TCERG1L: variants seen among roughly 807,000 people sequenced by gnomAD.
The protein encoded by TCERG1L is transcription elongation regulator 1 like.
Under a neutral mutation model 56.3 loss-of-function variants are expected in TCERG1L, and 37 were observed. The ratio of observed to expected loss-of-function variants is 0.66; its 90% CI spans 0.51 to 0.87. The LOEUF (loss-of-function observed/expected upper bound fraction) is 0.87, where lower values mean the gene tolerates loss of function less well. Among genes scored for constraint, TCERG1L ranks in the 40% least tolerant of loss-of-function variants. The pLI is 0.00. For synonymous variants in TCERG1L, 324 were observed against 326.3 expected, an observed-to-expected ratio of 0.99 and a Z score of 0.08; for missense variants, 799 against 774.2, an observed-to-expected ratio of 1.03 and a Z score of -0.38.
At chr10:131,307,885 C>T (rs968163798) in intron 3 of TCERG1L, among the ~76,000 whole-genome samples, 5 of 152,082 alleles carry the variant, frequency 3.3e-5, no homozygotes, top group Non-Finnish European at 5.9e-5. Flanking sequence ...AAAGAGTAGA[C>T]TGATCAATTA....
In TCERG1L at chr10:131,213,131, A is replaced by ACTGG. The variant is rs142440569; in HGVS notation, c.857-46250_857-46247dup. ...TTGTGTTGGCCACCCAGGGCTGAGG[A>ACTGG]CTGGCTGCAGCCCCCAGAGGCTATG... On this transcript the variant is annotated intron_variant, in intron 4 of 11. Transcript: ENST00000368642. 2.3e-3 allele frequency among the ~76,000 whole-genome samples: 353 copies of ACTGG among 152,346 alleles called. 1 individual carries two copies. Among genetic ancestry groups the ACTGG allele is most frequent in the African/African-American group, 8.2e-3 (340 of 41,578 alleles).
chr10:131,307,407 T>G (rs762316876), intron 3 of TCERG1L, among the ~76,000 whole-genome samples: 1 of 152,206 alleles, frequency 6.6e-6, no homozygotes, highest in Non-Finnish European at 1.5e-5. Flanking sequence ...AAGAACATCT[T>G]ATTACTAAAT....
chr10:131,112,502 C>G (rs1308281233), intron 9 of TCERG1L, among the ~76,000 whole-genome samples: 3 of 142,414 alleles, frequency 2.1e-5, no homozygotes, highest in African/African-American at 7.4e-5. Context: ...CCCTTTCAAC[C>G]TGCCCCACTC....
intron 3 of TCERG1L, among the ~76,000 whole-genome samples, chr10:131,294,387 G>T (rs1273050372): frequency 6.6e-6 from 1 of 152,146 alleles, no homozygotes; most frequent in Non-Finnish European, 1.5e-5. Context: ...AGCCACTTCT[G>T]TAACTGCCCC....
At chr10:131,108,834 A>G (rs1845380869) in intron 9 of TCERG1L, among the ~76,000 whole-genome samples, 1 of 152,188 alleles carries the variant, frequency 6.6e-6, no homozygotes, top group Admixed American at 6.5e-5. Flanking sequence ...TTGTGGTTGC[A>G]GGGCTGAAGT....
intron 7 of TCERG1L, among the ~76,000 whole-genome samples, chr10:131,144,590 A>C (rs1015830958): frequency 6.6e-6 from 1 of 152,210 alleles, no homozygotes; most frequent in African/African-American, 2.4e-5. Context: ...GGTTAAAAAA[A>C]AAAAGACTGG....
At chr10:131,126,061 T>G (rs1426830985) in intron 8 of TCERG1L, among the ~76,000 whole-genome samples, 2 of 152,326 alleles carry the variant, frequency 1.3e-5, no homozygotes, top group Non-Finnish European at 2.9e-5. Flanking sequence ...ACAGACTCAC[T>G]GTTGGCCTTT....
intron 3 of TCERG1L, among the ~76,000 whole-genome samples, chr10:131,289,159 A>G (rs1342330375): frequency 7.7e-6 from 1 of 130,018 alleles, no homozygotes; most frequent in Admixed American, 7.5e-5. Flanking sequence ...TTTTTTTTTT[A>G]ATCAAGCATC....
intron 4 of TCERG1L, among the ~76,000 whole-genome samples, chr10:131,250,683 G>A (rs781585833): frequency 6.6e-6 from 1 of 152,124 alleles, no homozygotes; most frequent in Admixed American, 6.5e-5. Flanking sequence ...CTGCCCTAAA[G>A]CACCCTCTTA....
At chr10:131,136,209 C>T (rs1049306451) in intron 7 of TCERG1L, among the ~76,000 whole-genome samples, 6 of 152,248 alleles carry the variant, frequency 3.9e-5, no homozygotes, top group African/African-American at 1.4e-4. Flanking sequence ...TCCACTTCCT[C>T]CTCTCTGGCT....
intron 4 of TCERG1L, among the ~76,000 whole-genome samples, chr10:131,210,974 A>ATT (rs1845611854): frequency 6.6e-6 from 1 of 152,188 alleles, no homozygotes; most frequent in Non-Finnish European, 1.5e-5. Flanking sequence ...AGGCGCTACC[A>ATT]TGCACTTCAA....
chr10:131,116,704 CAGTG>C (rs1792461079), intron 9 of TCERG1L, 91 bp downstream of exon 9: 1 of 1,480,916 alleles, frequency 6.8e-7, no homozygotes, highest in Non-Finnish European at 9.1e-7. Context: ...ATCATGAACT[CAGTG>C]AGGAGGCGAC....
At chr10:131,176,092 G>A (rs1846144685) in intron 4 of TCERG1L, among the ~76,000 whole-genome samples, 2 of 152,192 alleles carry the variant, frequency 1.3e-5, no homozygotes, top group Non-Finnish European at 2.9e-5. Flanking sequence ...GGGTGCTAGA[G>A]CAAGCACCCA....
chr10:131,214,884 A>T (rs1036646987), intron 4 of TCERG1L, among the ~76,000 whole-genome samples: 2 of 152,236 alleles, frequency 1.3e-5, no homozygotes, highest in Admixed American at 1.3e-4. Flanking sequence ...TAATAAGCAT[A>T]TTAAACACTT....
intron 3 of TCERG1L, among the ~76,000 whole-genome samples, chr10:131,263,065 A>G (rs879807284): frequency 6.6e-6 from 1 of 152,052 alleles, no homozygotes; most frequent in African/African-American, 2.4e-5. Context: ...TAGAAGCACA[A>G]TTGTTGGATT....
chr10:131,255,150 A>T (rs1846153893), intron 4 of TCERG1L, among the ~76,000 whole-genome samples: 2 of 152,216 alleles, frequency 1.3e-5, no homozygotes. Flanking sequence ...GGAAGGGACA[A>T]CTGAGTCTGA....
Position 131,311,534 on chromosome 10 carries a change from C to T in TCERG1L, c.102G>A (p.Pro34=), listed in dbSNP as rs1846899896. The change falls in exon 1 of 12, where the codon CCG becomes CCA. Residue 34 remains proline, a synonymous_variant. Transcript: ENST00000368642. The surrounding 1 kb of genome is among the most constrained non-coding windows in gnomAD (Gnocchi z 4.0). ...PLLWPMDAEP[P]PPPPWVWMVP... ...CCATCCAGACCCAGGGCGGCGGCGG[C>T]GGCGGCTCTGCGTCCATCGGCCAGA... 5.1e-6 allele frequency: 6 copies of T among 1,171,282 alleles called. No homozygotes were observed. The highest frequency in any genetic ancestry group is 3.6e-4 in the Middle Eastern group (1 of 2,806). 72.6% of individuals were successfully genotyped at this position (1,171,282 alleles called of 1,614,324 possible). A position where few individuals can be genotyped will look rare whatever the true frequency, so the allele number is the denominator to read the frequency against.
At chr10:131,200,975 G>A (rs1175389981) in intron 4 of TCERG1L, among the ~76,000 whole-genome samples, 1 of 152,130 alleles carries the variant, frequency 6.6e-6, no homozygotes, top group East Asian at 1.9e-4. Context: ...AGTGCTGTGA[G>A]GACACAGCCT....
intron 3 of TCERG1L, among the ~76,000 whole-genome samples, chr10:131,289,171 C>G (rs1051917654): frequency 4.0e-5 from 6 of 150,906 alleles, no homozygotes; most frequent in African/African-American, 1.5e-4. Context: ...TCAAGCATCG[C>G]CTTAACACAG....
Sources: allele counts gnomAD v4.1 joint callset (sites outside exome capture counted in the v4.1 genomes callset), GRCh38; gene constraint gnomAD v4.1.1; non-coding constraint Gnocchi (gnomAD v3.1); transcripts MANE v1.5; gene names NCBI Gene and HGNC (gene_info 2026-07-23, HGNC 2026-07-21).